The following JAKMIP3 variants were observed in gnomAD, a reference collection of about 807,000 sequenced individuals.
The protein encoded by JAKMIP3 is janus kinase and microtubule-interacting protein 3.
JAKMIP3 carries 58 observed loss-of-function variants against 118.5 expected under a neutral mutation model. That is an observed-to-expected ratio of 0.49 (90% CI 0.40 to 0.61). The LOEUF is 0.61. Ranked by LOEUF, JAKMIP3 falls within the 20% of genes least tolerant of loss-of-function variation. The pLI is 0.00. For synonymous variants in JAKMIP3, 486 were observed against 451.2 expected (o/e 1.08, Z -0.98); for missense variants, 950 against 1,109.0 (o/e 0.86, Z 2.04).
intron 1 of JAKMIP3, among the ~76,000 whole-genome samples, chr10:132,094,403 G>C (rs879944391): frequency 6.6e-6 from 1 of 152,154 alleles, no homozygotes; most frequent in Non-Finnish European, 1.5e-5. Flanking sequence ...CAGAGGGAAA[G>C]TTTAGGGCTG....
At chr10:132,103,406 GGGAGAGGAGCAGCTGGA>G (rs751706678) in intron 1 of JAKMIP3, among the ~76,000 whole-genome samples, 22,980 of 137,826 alleles carry the variant, frequency 0.17, 2,833 homozygotes, top group African/African-American at 0.27. Flanking sequence ...GAGCACCTGG[GGGAGAGGAGCAGCTGGA>G]GGGGAGGAGC....
chr10:132,110,291 C>T (rs986827799), intron 2 of JAKMIP3, among the ~76,000 whole-genome samples: 7 of 152,256 alleles, frequency 4.6e-5, no homozygotes, highest in Non-Finnish European at 7.3e-5. Flanking sequence ...CCAGCTCAGG[C>T]ACGGGCAGGT....
At chr10:132,180,774 T>TGCGTGC (rs1490377192) in intron 23 of JAKMIP3, among the ~76,000 whole-genome samples, 2 of 65,850 alleles carry the variant, frequency 3.0e-5, no homozygotes, top group African/African-American at 1.3e-4. Context: ...TGTGTGCGTG[T>TGCGTGC]GTGTGTGTGC....
Position 132,135,068 on chromosome 10 carries a change from C to T in JAKMIP3, c.877C>T (p.Arg293Trp), listed in dbSNP as rs1024147537. ...ACAGCAGTTGGATGAAAAAGATGCC[C>T]GGCGCTTCCAGCTTAAAATCGCGGA... ...PEQQLDEKDARRFQLKIAELS... is the reference protein window; with the variant it reads ...PEQQLDEKDAWRFQLKIAELS... Residue 293 changes from arginine to tryptophan, a missense_variant, in exon 5 of 24, where the codon CGG becomes TGG. Coordinates refer to ENST00000684848, the MANE Select transcript of JAKMIP3 (RefSeq NM_001323087.2). 10 of 1,613,596 alleles carry T rather than the reference C, an allele frequency of 6.2e-6. No individual in the cohort carries two copies. Among genetic ancestry groups the T allele is most frequent in the African/African-American group, 1.3e-5 (1 of 75,040 alleles).
At chr10:132,045,635 A>G (rs1006034572) in intron 1 of JAKMIP3, among the ~76,000 whole-genome samples, 9 of 152,232 alleles carry the variant, frequency 5.9e-5, no homozygotes, top group Non-Finnish European at 1.0e-4. Flanking sequence ...CTTTATTTCA[A>G]GAATATACTT....
At chr10:132,157,143 T>C (rs78965373) in intron 19 of JAKMIP3, among the ~76,000 whole-genome samples, 3,316 of 152,250 alleles carry the variant, frequency 0.022, 112 homozygotes, top group African/African-American at 0.075. Flanking sequence ...GACATTTTCT[T>C]CCCGTTCCTG....
chr10:132,173,309 C>T (rs993059635), intron 23 of JAKMIP3, among the ~76,000 whole-genome samples: 13 of 147,514 alleles, frequency 8.8e-5, no homozygotes, highest in South Asian at 2.2e-4. Context: ...TGTGGTTCTT[C>T]GCAGCCATCT....
chr10:132,062,970 G>A (rs992908773), upstream of JAKMIP3, among the ~76,000 whole-genome samples: 7 of 152,230 alleles, frequency 4.6e-5, no homozygotes, highest in East Asian at 1.4e-3. Context: ...GAAGAGTGAA[G>A]TTTGGGGCAG....
At chr10:132,136,803 G>A (rs1164843607) in intron 6 of JAKMIP3, among the ~76,000 whole-genome samples, 1 of 152,184 alleles carries the variant, frequency 6.6e-6, no homozygotes, top group African/African-American at 2.4e-5. Context: ...TGTCCGGGCT[G>A]CACACACCTG....
chr10:132,126,114 C>A (rs2049490576), intron 3 of JAKMIP3, among the ~76,000 whole-genome samples: 1 of 152,086 alleles, frequency 6.6e-6, no homozygotes, highest in Non-Finnish European at 1.5e-5. Context: ...TTTGTTTTCT[C>A]CTTTGCCTTA....
intron 8 of JAKMIP3, 46 bp from the exon 9 acceptor site, chr10:132,138,073 G>A: frequency 1.3e-6 from 2 of 1,561,118 alleles, no homozygotes; most frequent in Non-Finnish European, 1.8e-6. Context: ...TGAAACCGGT[G>A]GAGCTGCTCT....
chr10:132,093,384 AG>A (rs2043356322), intron 1 of JAKMIP3, among the ~76,000 whole-genome samples: 2 of 152,086 alleles, frequency 1.3e-5, no homozygotes, highest in African/African-American at 4.8e-5. Flanking sequence ...AGAGGCAGGC[AG>A]GCAGGCCTTC....
At chr10:132,162,097 C>T in intron 19 of JAKMIP3, among the ~76,000 whole-genome samples, 1 of 148,952 alleles carries the variant, frequency 6.7e-6, no homozygotes. Flanking sequence ...CCTGTGAGCA[C>T]CGAGGTTTTT....
At chr10:132,181,640 T>A in intron 23 of JAKMIP3, 1 of 152,262 alleles carries the variant, frequency 6.6e-6, no homozygotes, top group East Asian at 1.9e-4. Flanking sequence ...CGGGAAGAAG[T>A]AAACATGTAT....
chr10:132,058,738 T>C (rs1303313403), intron 1 of JAKMIP3, among the ~76,000 whole-genome samples: 1 of 152,210 alleles, frequency 6.6e-6, no homozygotes, highest in Non-Finnish European at 1.5e-5. Flanking sequence ...TCTTGATGGG[T>C]GCTGCATCCA....
At chr10:132,139,253 T>TGA (rs1554946396) in intron 9 of JAKMIP3, among the ~76,000 whole-genome samples, 2,285 of 121,824 alleles carry the variant, frequency 0.019, 109 homozygotes, top group African/African-American at 0.067. Context: ...TGTGTGTATG[T>TGA]GTGTGTGTGT....
chr10:132,074,572 T>C lies in JAKMIP3; in HGVS notation c.-138+8511T>C, dbSNP rs182255729. Among the ~76,000 whole-genome samples the C allele has an allele frequency of 5.3e-3, 810 of 152,322 alleles. 12 individuals carry two copies. Among genetic ancestry groups the C allele is most frequent in the African/African-American group, 0.018 (767 of 41,570 alleles). ...AGTTCTTGGGGTTCCTTGTAGATTC[T>C]GGATATTAGCTCTTTGTCGTATGCA... On this transcript the variant is annotated intron_variant, in intron 1 of 23. Transcript: ENST00000684848.
At chr10:132,094,460 G>T (rs529812118) in intron 1 of JAKMIP3, among the ~76,000 whole-genome samples, 3 of 152,124 alleles carry the variant, frequency 2.0e-5, no homozygotes, top group African/African-American at 7.2e-5. Flanking sequence ...TTCCCTTGAT[G>T]TAGGGCTCTG....
intron 23 of JAKMIP3, among the ~76,000 whole-genome samples, chr10:132,176,963 C>G (rs2060196268): frequency 6.6e-6 from 1 of 152,094 alleles, no homozygotes; most frequent in African/African-American, 2.4e-5. Flanking sequence ...TTTCTCTTTG[C>G]TCTTTGTTTA....
Sources: gnomAD v4.1 joint callset for allele counts (sites outside exome capture counted in the v4.1 genomes callset) on GRCh38, gnomAD v4.1.1 for gene constraint, MANE v1.5 for transcripts, NCBI Gene and HGNC (gene_info 2026-07-23, HGNC 2026-07-21) for gene names.